The following ATP11C variants were observed in gnomAD, a reference collection of about 807,000 sequenced individuals.
ATP11C encodes phospholipid-transporting ATPase IG.
A neutral mutation model predicts 97.4 loss-of-function variants in ATP11C; 36 were observed. The ratio of observed to expected loss-of-function variants is 0.37; its 90% confidence interval spans 0.28 to 0.49. The LOEUF (loss-of-function observed/expected upper bound fraction) is 0.49. Ranked by LOEUF, ATP11C falls within the 20% of genes least tolerant of loss-of-function variation. ATP11C has a pLI of 0.98. For missense variants in ATP11C, 730 were observed against 824.6 expected (o/e 0.89, Z 1.40); for synonymous variants, 275 against 290.9 (o/e 0.95, Z 0.56).
chrX:139,926,163 C>T (rs1278929404), intron 1 of ATP11C, among the ~76,000 whole-genome samples: 1 of 111,176 alleles, frequency 9.0e-6, no homozygotes, highest in Non-Finnish European at 1.9e-5. Flanking sequence ...CGAGAGCCAG[C>T]ACCTAATTCA....
intron 1 of ATP11C, among the ~76,000 whole-genome samples, chrX:139,888,153 T>G (rs956163377): frequency 9.2e-6 from 1 of 108,842 alleles, no homozygotes; most frequent in Non-Finnish European, 1.9e-5. Context: ...TTTTTTTTTT[T>G]GATACAGTCT....
At chrX:139,751,940 T>A (rs1051785882) in intron 23 of ATP11C, among the ~76,000 whole-genome samples, 1 of 111,676 alleles carries the variant, frequency 9.0e-6, no homozygotes, top group African/African-American at 3.3e-5. Flanking sequence ...TGAAAAAGGC[T>A]GACTACTCAA....
chrX:139,867,588 G>A (rs185106385), intron 1 of ATP11C, among the ~76,000 whole-genome samples: 1 of 111,990 alleles, frequency 8.9e-6, no homozygotes, highest in East Asian at 2.8e-4. Context: ...AGGCAAGTGT[G>A]AGGAAAAAGA....
At position 139,804,537 on chromosome X, in the gene ATP11C, T is replaced by C. The variant is rs1242138207; in HGVS notation, c.489A>G (p.Ser163=). 8.3e-7 allele frequency: 1 copy of C among 1,202,428 alleles called. No homozygotes were observed. The highest frequency in any genetic ancestry group is 1.8e-5 in the South Asian group (1 of 56,209). The part of the protein sequence containing the change: ...ETFPCDLILL[S]SCTTDGTCYV... ...AACAGGTTCCATCAGTGGTGCAAGATGATAGAAGAATAAGATCACAGGGAA... is the reference window on the plus strand; with the variant it reads ...AACAGGTTCCATCAGTGGTGCAAGACGATAGAAGAATAAGATCACAGGGAA... The change falls in exon 6 of 30, where the codon TCA becomes TCG. Residue 163 remains serine, a synonymous_variant. Transcript: ENST00000682941.
chrX:139,821,182 A>G (rs1167766374), intron 2 of ATP11C, among the ~76,000 whole-genome samples: 2 of 112,153 alleles, frequency 1.8e-5, no homozygotes, highest in Admixed American at 9.4e-5. Flanking sequence ...ATTACAACCA[A>G]TAACCAACTT....
At chrX:139,868,595 G>A (rs1229425337) in intron 1 of ATP11C, among the ~76,000 whole-genome samples, 7 of 107,816 alleles carry the variant, frequency 6.5e-5, no homozygotes, top group Admixed American at 4.0e-4. Context: ...GCGTGGTGGC[G>A]GTGCGCCTGT....
intron 6 of ATP11C, among the ~76,000 whole-genome samples, chrX:139,803,864 A>AC (rs2082985743): frequency 9.4e-6 from 1 of 106,367 alleles, no homozygotes; most frequent in African/African-American, 3.4e-5. Flanking sequence ...ATGCCCGGCT[A>AC]ATTTTTTTGT....
At chrX:139,936,837 G>A (rs753553683), upstream of ATP11C, among the ~76,000 whole-genome samples, 2 of 105,298 alleles carry the variant, frequency 1.9e-5, no homozygotes, top group Admixed American at 1.1e-4. Flanking sequence ...TCTGTGGGTC[G>A]GTCAGCAATT....
rs780424974 is a variant in ATP11C, at chrX:139,770,315, G to C, written c.2217-1881C>G. Among the ~76,000 whole-genome samples, 10 of 112,101 alleles carry C rather than the reference G, an allele frequency of 8.9e-5. 1 individual carries two copies. The highest frequency in any genetic ancestry group is 1.9e-4 in the Non-Finnish European group (10 of 53,257). ...CCAGTTATTGAGACATATCCACACAGGAAAGAATAGTGGATTCTTTGTGAG... is the reference window on the plus strand; with the variant it reads ...CCAGTTATTGAGACATATCCACACACGAAAGAATAGTGGATTCTTTGTGAG... On this transcript the variant is annotated intron_variant, in intron 19 of 29. Transcript: ENST00000682941.
intron 28 of ATP11C, among the ~76,000 whole-genome samples, chrX:139,734,396 C>A (rs1008806218): frequency 9.0e-6 from 1 of 111,298 alleles, no homozygotes; most frequent in African/African-American, 3.3e-5. Flanking sequence ...TTGCTGGGTG[C>A]ATTCCCATTA....
At chrX:139,820,029 T>C (rs2083371083) in intron 2 of ATP11C, among the ~76,000 whole-genome samples, 1 of 110,892 alleles carries the variant, frequency 9.0e-6, no homozygotes, top group African/African-American at 3.3e-5. Context: ...CTACTAAAAA[T>C]AACAAAAATT....
chrX:139,803,373 G>A (rs1353154277), intron 6 of ATP11C, among the ~76,000 whole-genome samples: 1 of 111,017 alleles, frequency 9.0e-6, no homozygotes, highest in Non-Finnish European at 1.9e-5. Flanking sequence ...ATACTGAGTC[G>A]TAGTCCTCAA....
In ATP11C at chrX:139,792,765, G is replaced by A. The variant is rs187949137; in HGVS notation, c.1207-3277C>T. 7.1e-5 allele frequency among the ~76,000 whole-genome samples: 8 copies of A among 111,958 alleles called. No individual in the cohort carries two copies. In the East Asian group the frequency reaches 2.3e-3, roughly 31 times the overall value. On this transcript the variant is annotated intron_variant, in intron 12 of 29. Transcript: ENST00000682941. The stretch of plus-strand genomic sequence containing the variant: ...CATGTAGGGGTTCCTGGAGGGTGGT[G>A]CGCCCAAGGAAGGTATGGAAGCTAA...
In ATP11C at chrX:139,850,248, A is replaced by C. The variant is rs752747103; in HGVS notation, c.28-23425T>G. On this transcript the variant is annotated intron_variant, in intron 1 of 29. Coordinates refer to ENST00000682941, the MANE Select transcript of ATP11C (RefSeq NM_001353812.2). Reference sequence around the variant, plus strand: ...TGGAGTATTAAGGATGATTCTGATGAGGGCTCGGAAGAAGAGACGTGCTAT... The same window carrying C: ...TGGAGTATTAAGGATGATTCTGATGCGGGCTCGGAAGAAGAGACGTGCTAT... Among the ~76,000 whole-genome samples the C allele has an allele frequency of 2.7e-5, 3 of 111,344 alleles. No individual in the cohort carries two copies. In the East Asian group the frequency reaches 8.5e-4, roughly 31 times the overall value.
chrX:139,914,908 A>T (rs2085131099), intron 1 of ATP11C, among the ~76,000 whole-genome samples: 1 of 111,696 alleles, frequency 9.0e-6, no homozygotes, highest in Admixed American at 9.6e-5. Context: ...TTCTCTGGAG[A>T]ATCCTAATAA....
intron 28 of ATP11C, among the ~76,000 whole-genome samples, chrX:139,735,774 A>G (rs986298289): frequency 9.6e-6 from 1 of 104,576 alleles, no homozygotes; most frequent in Non-Finnish European, 2.0e-5. Context: ...TTCTCATAAG[A>G]AAAAAAAAAA....
chrX:139,861,614 G>C (rs2084197125), intron 1 of ATP11C, among the ~76,000 whole-genome samples: 1 of 111,445 alleles, frequency 9.0e-6, no homozygotes, highest in Admixed American at 9.6e-5. Flanking sequence ...AAGAGGTTAT[G>C]TGGGTGATCC....
intron 1 of ATP11C, among the ~76,000 whole-genome samples, chrX:139,856,618 C>T (rs2084093727): frequency 8.9e-6 from 1 of 112,188 alleles, no homozygotes; most frequent in Non-Finnish European, 1.9e-5. Context: ...CCTTATGGGT[C>T]TTTTGACTCT....
chrX:139,805,340 C>T (rs1248167043), intron 5 of ATP11C, among the ~76,000 whole-genome samples: 1 of 111,835 alleles, frequency 8.9e-6, no homozygotes, highest in Non-Finnish European at 1.9e-5. Context: ...CATCCCAGCT[C>T]TGCCACTTAA....
Sources: allele counts gnomAD v4.1 joint callset (sites outside exome capture counted in the v4.1 genomes callset), GRCh38; gene constraint gnomAD v4.1.1; transcripts MANE v1.5; gene names NCBI Gene and HGNC (gene_info 2026-07-23, HGNC 2026-07-21).